ERC2: variants seen among roughly 807,000 people sequenced by gnomAD.
The protein encoded by ERC2 is ERC protein 2.
ERC2 carries 42 observed loss-of-function variants against 114.8 expected under a neutral mutation model. That is an observed-to-expected ratio of 0.37 (90% CI 0.29 to 0.47). The LOEUF (loss-of-function observed/expected upper bound fraction) is 0.47, where lower values mean the gene tolerates loss of function less well. Among genes scored for constraint, ERC2 ranks in the 20% least tolerant of loss-of-function variants. ERC2 has a pLI of 0.99. For missense variants in ERC2, 939 were observed against 1,150.7 expected (o/e 0.82, Z 2.66); for synonymous variants, 454 against 425.5 (o/e 1.07, Z -0.82).
chr3:56,192,688 G>C (rs149656000), intron 3 of ERC2, among the ~76,000 whole-genome samples: 1 of 152,254 alleles, frequency 6.6e-6, no homozygotes, highest in Non-Finnish European at 1.5e-5. Flanking sequence ...ATCACCATAA[G>C]ATGGACTTGA....
chr3:56,140,761 C>T (rs1208565852), intron 5 of ERC2, among the ~76,000 whole-genome samples: 1 of 152,160 alleles, frequency 6.6e-6, no homozygotes, highest in Non-Finnish European at 1.5e-5. Context: ...ATGTATGACT[C>T]ACACCTATAA....
intron 12 of ERC2, among the ~76,000 whole-genome samples, chr3:55,953,955 G>A (rs1439072483): frequency 4.0e-5 from 6 of 151,862 alleles, no homozygotes; most frequent in Non-Finnish European, 4.4e-5. Flanking sequence ...AATCTAGAAG[G>A]TAAGGCCCCT....
rs550651299 is a variant in ERC2 at position 55,885,987 on chromosome 3, A to G, written c.2564+2402T>C. Among the ~76,000 whole-genome samples the G allele has an allele frequency of 4.6e-5, 7 of 152,332 alleles. No individual in the cohort carries two copies. The South Asian group carries it at 1.5e-3, about 32-fold the overall frequency. On this transcript the variant is annotated intron_variant, in intron 14 of 17. Transcript: ENST00000288221. ...CTTGTTCTCTCAAAATGTTGAAAGT[A>G]TACGCTCCTTTTATAAACAGGAAGT...
intron 2 of ERC2, among the ~76,000 whole-genome samples, chr3:56,422,007 C>T (rs2061407838): frequency 6.6e-6 from 1 of 152,100 alleles, no homozygotes; most frequent in Non-Finnish European, 1.5e-5. Flanking sequence ...AAGGCTGGGA[C>T]CCAAGAGAGG....
intron 3 of ERC2, among the ~76,000 whole-genome samples, chr3:56,222,270 G>A (rs1045101914): frequency 6.6e-6 from 1 of 152,178 alleles, no homozygotes; most frequent in Non-Finnish European, 1.5e-5. Flanking sequence ...TCTTCTGTTT[G>A]TGAGAAATGT....
intron 2 of ERC2, among the ~76,000 whole-genome samples, chr3:56,389,997 C>A (rs921972726): frequency 1.3e-5 from 2 of 152,060 alleles, no homozygotes; most frequent in Non-Finnish European, 2.9e-5. Flanking sequence ...GAAATTTTAA[C>A]AATGAAAAAT....
rs568544135 is a variant in ERC2 at position 56,457,225 on chromosome 3, C to T, written c.-141+11023G>A. Among the ~76,000 whole-genome samples, 14 of 152,290 alleles carry T rather than the reference C, an allele frequency of 9.2e-5. No homozygotes were observed. The East Asian group carries it at 2.5e-3, about 27-fold the overall frequency. Reference sequence around the variant, plus strand: ...TCTGCTTAAAATTTATTGAAATGAACTTTGTCCTAGGTGATATTGGGAGAG... The same window carrying T: ...TCTGCTTAAAATTTATTGAAATGAATTTTGTCCTAGGTGATATTGGGAGAG... On this transcript the variant is annotated intron_variant, in intron 1 of 17. Coordinates refer to ENST00000288221, the MANE Select transcript of ERC2 (RefSeq NM_015576.3).
At chr3:55,649,386 G>T (rs1429332211) in intron 17 of ERC2, among the ~76,000 whole-genome samples, 1 of 150,740 alleles carries the variant, frequency 6.6e-6, no homozygotes, top group Non-Finnish European at 1.5e-5. Context: ...TCAGCCTCCC[G>T]AGTAGCTGGG....
chr3:56,425,767 G>A (rs1009063141), intron 2 of ERC2, among the ~76,000 whole-genome samples: 2 of 152,136 alleles, frequency 1.3e-5, no homozygotes, highest in Non-Finnish European at 1.5e-5. Context: ...ATGAATAACA[G>A]TTATCAATTA....
intron 2 of ERC2, among the ~76,000 whole-genome samples, chr3:56,415,294 C>T (rs184759749): frequency 1.3e-5 from 2 of 152,092 alleles, no homozygotes. Flanking sequence ...GGGTACACAC[C>T]CTAATATTTA....
At chr3:55,926,415 T>TAAA (rs3076615) in intron 13 of ERC2, among the ~76,000 whole-genome samples, 39,305 of 148,142 alleles carry the variant, frequency 0.27, 5,493 homozygotes, top group Admixed American at 0.34. Context: ...TTTTTGTTTT[T>TAAA]AAAAAAAAAA....
intron 2 of ERC2, among the ~76,000 whole-genome samples, chr3:56,389,044 A>C (rs997154121): frequency 2.0e-5 from 3 of 152,224 alleles, no homozygotes; most frequent in African/African-American, 7.2e-5. Context: ...CAAAAATTGT[A>C]ATGCATATTT....
chr3:55,867,902 A>G (rs1398317414), intron 14 of ERC2, among the ~76,000 whole-genome samples: 1 of 152,176 alleles, frequency 6.6e-6, no homozygotes, highest in Non-Finnish European at 1.5e-5. Context: ...CTTATCTTGA[A>G]TGATATAATA....
intron 13 of ERC2, among the ~76,000 whole-genome samples, chr3:55,903,837 A>T (rs1009558869): frequency 6.6e-6 from 1 of 152,210 alleles, no homozygotes; most frequent in Non-Finnish European, 1.5e-5. Flanking sequence ...TGTCAGTAGC[A>T]CTATGTATAA....
At chr3:55,879,386 G>A (rs2063018739) in intron 14 of ERC2, among the ~76,000 whole-genome samples, 1 of 152,090 alleles carries the variant, frequency 6.6e-6, no homozygotes, top group Non-Finnish European at 1.5e-5. Context: ...ACAGTCATCT[G>A]AGGCAGCATG....
chr3:56,216,678 G>A (rs1416537435), intron 3 of ERC2, among the ~76,000 whole-genome samples: 3 of 152,080 alleles, frequency 2.0e-5, no homozygotes, highest in African/African-American at 7.2e-5. Flanking sequence ...GCCTGGCAGA[G>A]ACACAACAAA....
At chr3:56,416,419 G>A (rs1335203797) in intron 2 of ERC2, among the ~76,000 whole-genome samples, 1 of 151,974 alleles carries the variant, frequency 6.6e-6, no homozygotes, top group Non-Finnish European at 1.5e-5. Context: ...AAGAAGGCAG[G>A]GAGAGATTCC....
At chr3:55,918,524 G>A (rs1314782481) in intron 13 of ERC2, among the ~76,000 whole-genome samples, 1 of 152,134 alleles carries the variant, frequency 6.6e-6, no homozygotes, top group South Asian at 2.1e-4. Context: ...AGTTTTTTCA[G>A]CTTTTCATTC....
chr3:56,218,355 G>C (rs1410382600), intron 3 of ERC2, among the ~76,000 whole-genome samples: 3 of 150,996 alleles, frequency 2.0e-5, no homozygotes, highest in African/African-American at 2.4e-5. Flanking sequence ...TTCTCAAAAG[G>C]AGACATTTAT....
Sources: gnomAD v4.1 joint callset for allele counts (sites outside exome capture counted in the v4.1 genomes callset) on GRCh38, gnomAD v4.1.1 for gene constraint, MANE v1.5 for transcripts, NCBI Gene and HGNC (gene_info 2026-07-23, HGNC 2026-07-21) for gene names.